The following PERP variants were observed in gnomAD, a reference collection of about 807,000 sequenced individuals.
The protein encoded by PERP is p53 apoptosis effector related to PMP22.
In PERP, 11 loss-of-function variants were observed where a neutral mutation model predicts 20.3. The ratio of observed to expected loss-of-function variants is 0.54; its 90% CI spans 0.34 to 0.90. The LOEUF is 0.90. Among genes scored for constraint, PERP ranks in the 40% least tolerant of loss-of-function variants. PERP has a pLI of 0.02. For missense variants in PERP, 224 were observed against 249.4 expected (o/e 0.90, Z 0.69); for synonymous variants, 101 against 102.0 (o/e 0.99, Z 0.06).
At chr6:138,099,145 T>TCC in intron 1 of PERP, among the ~76,000 whole-genome samples, 1 of 152,120 alleles carries the variant, frequency 6.6e-6, no homozygotes, top group Non-Finnish European at 1.5e-5. Context: ...TTCCTGTGCC[T>TCC]CCCTCCAGAC....
At chr6:138,105,207 C>T (rs1775824767) in intron 1 of PERP, among the ~76,000 whole-genome samples, 1 of 152,184 alleles carries the variant, frequency 6.6e-6, no homozygotes. Flanking sequence ...GTTGTTAAAG[C>T]TATTACCATT....
chr6:138,096,227 TG>T, intron 2 of PERP, 126 bp downstream of exon 2: 1 of 1,219,712 alleles, frequency 8.2e-7, no homozygotes, highest in Non-Finnish European at 1.1e-6. Context: ...ACTTCTGCCC[TG>T]GTGATACATT....
chr6:138,092,258 C>G lies in PERP; in HGVS notation c.366G>C (p.Gln122His). ...CGGGGTAAATTACCAGGGAGATGAT[C>G]TGGAACACAGCTAAAGGGAAGAAAA... ...GGLLALAAVF[Q>H]IISLVIYPVK... The change falls in exon 3 of 3, where the codon CAG (glutamine) becomes CAC (histidine). Residue 122 changes from glutamine to histidine, a missense_variant. Coordinates refer to ENST00000421351, the MANE Select transcript of PERP (RefSeq NM_022121.5). The G allele has an allele frequency of 6.2e-7, 1 of 1,613,662 alleles. No homozygotes were observed. Among genetic ancestry groups the G allele is most frequent in the Middle Eastern group, 1.7e-4 (1 of 6,058 alleles).
Position 138,092,065 on chromosome 6 carries a change from T to C in PERP, c.559A>G (p.Arg187Gly), listed in dbSNP as rs1379387752. ...AGTTAGGCAGATGTGTAGAAGTACCTGGGCTTGGCATTGCCCAGAAGGTCA... is the reference window on the plus strand; with the variant it reads ...AGTTAGGCAGATGTGTAGAAGTACCCGGGCTTGGCATTGCCCAGAAGGTCA... ...EDDLLGNAKP[R>G]YFYTSA The change falls in exon 3 of 3, where the codon AGG (arginine) becomes GGG (glycine). Residue 187 changes from arginine (R) to glycine (G), a missense_variant. Coordinates refer to ENST00000421351, the MANE Select transcript of PERP (RefSeq NM_022121.5). 1 of 1,614,070 alleles carries C rather than the reference T, an allele frequency of 6.2e-7. No individual in the cohort carries two copies. The highest frequency in any genetic ancestry group is 1.7e-5 in the Admixed American group (1 of 59,994).
intron 1 of PERP, among the ~76,000 whole-genome samples, chr6:138,105,864 T>A (rs1307064388): frequency 6.6e-6 from 1 of 152,232 alleles, no homozygotes; most frequent in Non-Finnish European, 1.5e-5. Context: ...AAACCTGAGC[T>A]GGCACAGTGT....
chr6:138,092,359 G>C, intron 2 of PERP, 91 bp from the exon 3 acceptor site: 1 of 1,150,290 alleles, frequency 8.7e-7, no homozygotes, highest in Non-Finnish European at 1.3e-6. Context: ...CTTCCACCAA[G>C]TTTCTGCCTT....
Position 138,090,406 on chromosome 6 carries a change from C to T in PERP, c.*1636G>A, listed in dbSNP as rs1275573220. 6.6e-6 allele frequency: 1 copy of T among 152,140 alleles called. No homozygotes were observed. Among genetic ancestry groups the T allele is most frequent in the African/African-American group, 2.4e-5 (1 of 41,420 alleles). The allele number at this position is 152,140 out of a possible 1,614,324, so 9.4% of individuals were successfully genotyped here. On this transcript the variant is annotated 3_prime_UTR_variant, in exon 3 of 3. Transcript: ENST00000421351. ...CAAGGGGAAAATAGAGAGACTGCTA[C>T]CCCACCACCTGAATGGAAGGGGACC...
intron 1 of PERP, among the ~76,000 whole-genome samples, chr6:138,106,542 A>C (rs1326270226): frequency 6.6e-6 from 1 of 152,236 alleles, no homozygotes; most frequent in African/African-American, 2.4e-5. Flanking sequence ...GCCATGCTTA[A>C]ACCAAAGGAC....
intron 1 of PERP, among the ~76,000 whole-genome samples, chr6:138,098,229 C>T (rs199513211): frequency 6.6e-6 from 1 of 152,178 alleles, no homozygotes; most frequent in African/African-American, 2.4e-5. Flanking sequence ...TCCATCTTGG[C>T]GTTACTCTTA....
rs559567297 is a variant in PERP at position 138,101,229 on chromosome 6, G to C, written c.215-4735C>G. On this transcript the variant is annotated intron_variant, in intron 1 of 2. Transcript: ENST00000421351. Reference sequence around the variant, plus strand: ...TACTAAAAATACAAAAATTAACTGCGTGTGGTGGCACACGCCTGTAGTCCC... The same window carrying C: ...TACTAAAAATACAAAAATTAACTGCCTGTGGTGGCACACGCCTGTAGTCCC... 3.5e-3 allele frequency among the ~76,000 whole-genome samples: 530 copies of C among 152,126 alleles called. 1 individual carries two copies. The highest frequency in any genetic ancestry group is 4.6e-3 in the Non-Finnish European group (310 of 68,010).
chr6:138,095,451 T>C (rs3734299), intron 2 of PERP, among the ~76,000 whole-genome samples: 59,750 of 151,918 alleles, frequency 0.39, 13,152 homozygotes, highest in African/African-American at 0.58. Context: ...CATGATCATA[T>C]AGACCCCTTA....
rs1365330565 is a variant in PERP at position 138,090,852 on chromosome 6, A to C, written c.*1190T>G. ...CTACAATTAGCTTTTTCCACAACTT[A>C]CAAAATAATAATCTGATATTTAAAA... On this transcript the variant is annotated 3_prime_UTR_variant, in exon 3 of 3. Coordinates refer to ENST00000421351, the MANE Select transcript of PERP (RefSeq NM_022121.5). 1.3e-5 allele frequency: 2 copies of C among 152,718 alleles called. No homozygotes were observed. The highest frequency in any genetic ancestry group is 3.9e-4 in the East Asian group (2 of 5,190). The allele number at this position is 152,718 out of a possible 1,614,324, so 9.5% of individuals were successfully genotyped here.
At chr6:138,093,975 T>C (rs1775633859) in intron 2 of PERP, among the ~76,000 whole-genome samples, 1 of 152,228 alleles carries the variant, frequency 6.6e-6, no homozygotes, top group East Asian at 1.9e-4. Context: ...ACTGTTAAGC[T>C]GTAAATCTGT....
chr6:138,092,292 G>A, intron 2 of PERP, 24 bp from the exon 3 acceptor site: 1 of 1,562,742 alleles, frequency 6.4e-7, no homozygotes, highest in Non-Finnish European at 8.8e-7. Flanking sequence ...AAAAATCCCA[G>A]GGTATGAATG....
intron 2 of PERP, among the ~76,000 whole-genome samples, chr6:138,092,927 A>G (rs1396603041): frequency 6.7e-6 from 1 of 150,204 alleles, no homozygotes; most frequent in Non-Finnish European, 1.5e-5. Flanking sequence ...GGGGACAGAA[A>G]AAACAAAAGC....
chr6:138,106,132 G>A (rs1185915358), intron 1 of PERP, among the ~76,000 whole-genome samples: 1 of 152,148 alleles, frequency 6.6e-6, no homozygotes, highest in Admixed American at 6.5e-5. Context: ...AATGAAAACA[G>A]GCAGGGTAGC....
Position 138,107,094 on chromosome 6 carries a change from G to A in PERP, c.214+33C>T. The A allele has an allele frequency of 6.3e-7, 1 of 1,575,046 alleles. No homozygotes were observed. Among genetic ancestry groups the A allele is most frequent in the Non-Finnish European group, 8.6e-7 (1 of 1,161,718 alleles). On this transcript the variant is annotated intron_variant, in intron 1 of 2. Coordinates refer to ENST00000421351, the MANE Select transcript of PERP (RefSeq NM_022121.5). The surrounding 1 kb of genome is among the most constrained non-coding windows in gnomAD (Gnocchi z 4.8). The stretch of plus-strand genomic sequence containing the variant: ...AGGCCGCGGCCCCGAGGGCTTCCTG[G>A]AGGCGGCGACGGCGGCGGCGGCGGG...
intron 1 of PERP, among the ~76,000 whole-genome samples, chr6:138,104,753 C>T (rs972147763): frequency 6.6e-6 from 1 of 152,180 alleles, no homozygotes; most frequent in African/African-American, 2.4e-5. Flanking sequence ...GAGCCATCAA[C>T]CTTATTCCTT....
In PERP at chr6:138,107,085, G is replaced by A; in HGVS notation, c.214+42C>T. 1 of 1,568,576 alleles carries A rather than the reference G, an allele frequency of 6.4e-7. No individual in the cohort carries two copies. The highest frequency in any genetic ancestry group is 2.3e-5 in the East Asian group (1 of 44,154). On this transcript the variant is annotated intron_variant, in intron 1 of 2. Transcript: ENST00000421351. The surrounding 1 kb of genome is among the most constrained non-coding windows in gnomAD (Gnocchi z 4.8). The stretch of plus-strand genomic sequence containing the variant: ...GGCTTTTGCAGGCCGCGGCCCCGAG[G>A]GCTTCCTGGAGGCGGCGACGGCGGC...
Sources: allele counts gnomAD v4.1 joint callset (sites outside exome capture counted in the v4.1 genomes callset), GRCh38; gene constraint gnomAD v4.1.1; non-coding constraint Gnocchi (gnomAD v3.1); transcripts MANE v1.5; gene names NCBI Gene and HGNC (gene_info 2026-07-23, HGNC 2026-07-21).